The following PAPPA variants were observed in gnomAD, a reference collection of about 807,000 sequenced individuals.
PAPPA encodes pappalysin 1.
PAPPA carries 60 observed loss-of-function variants against 164.0 expected under a neutral mutation model. That is an observed-to-expected ratio of 0.37 (90% CI 0.30 to 0.45). PAPPA has a LOEUF of 0.45. Ranked by LOEUF, PAPPA falls within the 20% of genes least tolerant of loss-of-function variation. The probability of loss-of-function intolerance (pLI) is 1.00; values close to 1 mark genes in which losing one functional copy is unlikely to be tolerated. For missense variants in PAPPA, 1,782 were observed against 2,087.3 expected, an observed-to-expected ratio of 0.85 and a Z score of 2.85; for synonymous variants, 875 against 814.1, an observed-to-expected ratio of 1.07 and a Z score of -1.27.
chr9:116,310,018 T>C (rs1429462347), intron 10 of PAPPA, among the ~76,000 whole-genome samples: 1 of 152,204 alleles, frequency 6.6e-6, no homozygotes, highest in Non-Finnish European at 1.5e-5. Flanking sequence ...TTCTTCTGTT[T>C]TCTTTTCTTA....
chr9:116,283,318 G>C (rs1437064289), intron 9 of PAPPA, among the ~76,000 whole-genome samples: 1 of 152,182 alleles, frequency 6.6e-6, no homozygotes, highest in African/African-American at 2.4e-5. Flanking sequence ...CTCTGGTGCA[G>C]GGGTTGGTGA....
intron 2 of PAPPA, 134 bp from the exon 3 acceptor site, chr9:116,207,322 G>T: frequency 3.3e-6 from 2 of 607,846 alleles, no homozygotes; most frequent in Non-Finnish European, 5.6e-6. Flanking sequence ...ATATTATTGG[G>T]GGAATTCAAT....
At chr9:116,389,756 A>G (rs909585522) in intron 21 of PAPPA, among the ~76,000 whole-genome samples, 2 of 149,158 alleles carry the variant, frequency 1.3e-5, no homozygotes, top group Non-Finnish European at 1.5e-5. Context: ...TCCAACCCTG[A>G]CCACCCAACC....
chr9:116,295,459 C>T (rs1845493269), intron 9 of PAPPA, among the ~76,000 whole-genome samples: 1 of 148,238 alleles, frequency 6.7e-6, no homozygotes, highest in South Asian at 2.1e-4. Flanking sequence ...GAGGCTGAGG[C>T]AGGAGAATTG....
At chr9:116,313,658 T>C (rs1035139603) in intron 10 of PAPPA, among the ~76,000 whole-genome samples, 13 of 152,344 alleles carry the variant, frequency 8.5e-5, no homozygotes, top group African/African-American at 2.9e-4. Flanking sequence ...ATCTGTCCAG[T>C]AGAAACTTCC....
At chr9:116,221,710 G>T (rs545155212) in intron 5 of PAPPA, among the ~76,000 whole-genome samples, 1 of 151,362 alleles carries the variant, frequency 6.6e-6, no homozygotes, top group South Asian at 2.1e-4. Context: ...GCATTACACT[G>T]CCCCCCGCAA....
chr9:116,178,966 G>A (rs1040144835), intron 1 of PAPPA, among the ~76,000 whole-genome samples: 8 of 152,204 alleles, frequency 5.3e-5, no homozygotes, highest in Admixed American at 2.0e-4. Context: ...CATCCCAAAT[G>A]TACCACATAA....
intron 10 of PAPPA, among the ~76,000 whole-genome samples, chr9:116,326,714 G>A (rs1281818698): frequency 6.6e-6 from 1 of 152,130 alleles, no homozygotes; most frequent in Non-Finnish European, 1.5e-5. Flanking sequence ...GAAACCTTAT[G>A]CCTATTGATT....
intron 17 of PAPPA, among the ~76,000 whole-genome samples, chr9:116,357,627 T>A (rs757188403): frequency 1.1e-4 from 16 of 152,182 alleles, no homozygotes; most frequent in Admixed American, 2.0e-4. Context: ...AGACCAGTAG[T>A]GAAGGGCAGA....
chr9:116,283,176 C>T (rs576423489), intron 9 of PAPPA, among the ~76,000 whole-genome samples: 1 of 152,126 alleles, frequency 6.6e-6, no homozygotes, highest in South Asian at 2.1e-4. Context: ...ATATTAAGCA[C>T]CTGCTGCATA....
intron 10 of PAPPA, among the ~76,000 whole-genome samples, chr9:116,315,123 T>A (rs2118915552): frequency 6.6e-6 from 1 of 152,362 alleles, no homozygotes; most frequent in East Asian, 1.9e-4. Flanking sequence ...AATCGGTGTC[T>A]ACAAGTGATT....
At chr9:116,230,149 A>G (rs558330977) in intron 6 of PAPPA, among the ~76,000 whole-genome samples, 38 of 152,214 alleles carry the variant, frequency 2.5e-4, no homozygotes, top group Admixed American at 2.0e-3. Context: ...TCCTATGTAA[A>G]TTTAGTACAT....
chr9:116,382,734 G>A (rs1323870941), intron 21 of PAPPA, among the ~76,000 whole-genome samples: 2 of 152,146 alleles, frequency 1.3e-5, no homozygotes, highest in Non-Finnish European at 2.9e-5. Flanking sequence ...ACGGAAGCAG[G>A]TAATAAAACT....
intron 9 of PAPPA, among the ~76,000 whole-genome samples, chr9:116,280,768 T>C (rs1202176341): frequency 6.6e-6 from 1 of 152,248 alleles, no homozygotes; most frequent in Non-Finnish European, 1.5e-5. Context: ...CCTGTTTTCA[T>C]AGACAAAGTT....
intron 2 of PAPPA, among the ~76,000 whole-genome samples, chr9:116,194,008 A>C (rs555646571): frequency 6.6e-6 from 1 of 152,332 alleles, no homozygotes; most frequent in East Asian, 1.9e-4. Flanking sequence ...CCAGACATGT[A>C]GTGATAATAG....
chr9:116,376,041 A>C (rs1179466247), intron 19 of PAPPA, among the ~76,000 whole-genome samples: 2 of 85,896 alleles, frequency 2.3e-5, no homozygotes, highest in East Asian at 6.6e-4. Context: ...TTTTTTTTTG[A>C]GACGGAGTCT....
intron 1 of PAPPA, among the ~76,000 whole-genome samples, chr9:116,167,762 A>G (rs1431278224): frequency 1.3e-5 from 2 of 152,204 alleles, no homozygotes; most frequent in Non-Finnish European, 2.9e-5. Flanking sequence ...AGCTCTCAGG[A>G]TGACCCCTTT....
chr9:116,387,417 C>T (rs1001622690), intron 21 of PAPPA, among the ~76,000 whole-genome samples: 2 of 152,176 alleles, frequency 1.3e-5, no homozygotes, highest in Non-Finnish European at 2.9e-5. Flanking sequence ...GATGAAGCCT[C>T]ACTCTGTCAC....
intron 10 of PAPPA, among the ~76,000 whole-genome samples, chr9:116,324,672 T>C (rs1588004356): frequency 6.6e-6 from 1 of 152,204 alleles, no homozygotes; most frequent in Middle Eastern, 3.4e-3. Flanking sequence ...AGTAAAGGCT[T>C]TCAGAGGAGG....
Sources: gnomAD v4.1 joint callset for allele counts (sites outside exome capture counted in the v4.1 genomes callset) on GRCh38, gnomAD v4.1.1 for gene constraint, MANE v1.5 for transcripts, NCBI Gene and HGNC (gene_info 2026-07-23, HGNC 2026-07-21) for gene names.